The following RASGEF1C variants were observed in gnomAD, a reference collection of about 807,000 sequenced individuals.
RASGEF1C encodes RasGEF domain family member 1C.
A neutral mutation model predicts 58.1 loss-of-function variants in RASGEF1C; 27 were observed. The ratio of observed to expected loss-of-function variants is 0.46; its 90% CI spans 0.34 to 0.64. The LOEUF (loss-of-function observed/expected upper bound fraction) is 0.64, where lower values mean the gene tolerates loss of function less well. Among genes scored for constraint, RASGEF1C ranks in the 30% least tolerant of loss-of-function variants. The pLI is 0.01. For missense variants in RASGEF1C, 502 were observed against 605.1 expected, an observed-to-expected ratio of 0.83 and a Z score of 1.79; for synonymous variants, 243 against 246.3, an observed-to-expected ratio of 0.99 and a Z score of 0.13.
chr5:180,104,060 C>CTGAACTCTA (rs1454484613), intron 12 of RASGEF1C, among the ~76,000 whole-genome samples: 1 of 152,124 alleles, frequency 6.6e-6, no homozygotes, highest in Non-Finnish European at 1.5e-5. Context: ...TTACATATTG[C>CTGAACTCTA]TGAACTCTAT....
At chr5:180,202,726 A>T (rs1359097477) in intron 1 of RASGEF1C, among the ~76,000 whole-genome samples, 1 of 146,368 alleles carries the variant, frequency 6.8e-6, no homozygotes. Context: ...TTTTTTTGAG[A>T]CGGAGTCTCG....
In RASGEF1C at chr5:180,168,875, T is replaced by A. The variant is rs1767059221; in HGVS notation, c.-6-30817A>T. ...CAGAAGCAGAGGGTTTCTCCTGGAG[T>A]TCACTGTCAGTGCTGATGTCCGTCC... On this transcript the variant is annotated intron_variant, in intron 1 of 13. Coordinates refer to ENST00000361132, the MANE Select transcript of RASGEF1C (RefSeq NM_175062.4). This position sits in a 1 kb window ranked among gnomAD's most constrained non-coding sequence, Gnocchi z 6.0. 6.6e-6 allele frequency among the ~76,000 whole-genome samples: 1 copy of A among 152,160 alleles called. No individual in the cohort carries two copies. Among genetic ancestry groups the A allele is most frequent in the African/African-American group, 2.4e-5 (1 of 41,442 alleles).
chr5:180,172,502 C>A (rs1463650063), intron 1 of RASGEF1C, among the ~76,000 whole-genome samples: 2 of 152,162 alleles, frequency 1.3e-5, no homozygotes, highest in East Asian at 3.9e-4. Flanking sequence ...GACACGGAAT[C>A]TGTGGCACAC....
Position 180,128,759 on chromosome 5 carries a change from C to A in RASGEF1C, c.439-149G>T, listed in dbSNP as rs907929276. ...CCAGGTACCAGCGCAGGGGCCAGGA[C>A]CTGCCCCTACCCTGAAACAGGACCC... On this transcript the variant is annotated intron_variant, in intron 4 of 13. Coordinates refer to ENST00000361132, the MANE Select transcript of RASGEF1C (RefSeq NM_175062.4). The A allele has an allele frequency of 4.1e-5, 32 of 784,024 alleles. No individual in the cohort carries two copies. The Middle Eastern group carries it at 1.0e-3, about 25-fold the overall frequency. 48.6% of individuals were successfully genotyped at this position (784,024 alleles called of 1,614,324 possible).
intron 1 of RASGEF1C, among the ~76,000 whole-genome samples, chr5:180,176,748 G>C (rs1464209361): frequency 6.6e-6 from 1 of 151,992 alleles, no homozygotes; most frequent in African/African-American, 2.4e-5. Flanking sequence ...AGTAGAGATG[G>C]GGTTTCACCA....
intron 12 of RASGEF1C, among the ~76,000 whole-genome samples, chr5:180,103,148 G>A (rs1453513197): frequency 3.3e-5 from 5 of 152,162 alleles, no homozygotes; most frequent in Non-Finnish European, 7.3e-5. Flanking sequence ...CGCGATCTCG[G>A]CTCACTGCAA....
At chr5:180,118,510 A>T in intron 10 of RASGEF1C, 99 bp downstream of exon 10, 2 of 1,122,330 alleles carry the variant, frequency 1.8e-6, no homozygotes, top group Non-Finnish European at 2.6e-6. Context: ...GCTGTCTATT[A>T]CTGATGCTGC....
intron 1 of RASGEF1C, among the ~76,000 whole-genome samples, chr5:180,172,087 A>G (rs925640634): frequency 2.0e-5 from 3 of 152,222 alleles, no homozygotes; most frequent in Non-Finnish European, 4.4e-5. Context: ...AAAAGTCTCA[A>G]TAGCTATAAA....
At chr5:180,191,473 C>G (rs1410056135) in intron 1 of RASGEF1C, among the ~76,000 whole-genome samples, 1 of 152,206 alleles carries the variant, frequency 6.6e-6, no homozygotes, top group Non-Finnish European at 1.5e-5. Context: ...TCTCCTGCCT[C>G]AGCCTCCCAA....
At chr5:180,114,411 G>C (rs372078328) in intron 11 of RASGEF1C, 35 bp downstream of exon 11, 15 of 1,599,128 alleles carry the variant, frequency 9.4e-6, no homozygotes, top group African/African-American at 4.0e-5. Flanking sequence ...TTCCCGGCCT[G>C]TCTACCTCAG....
At chr5:180,105,394 C>G (rs1269913820) in intron 12 of RASGEF1C, among the ~76,000 whole-genome samples, 1 of 151,786 alleles carries the variant, frequency 6.6e-6, no homozygotes, top group East Asian at 1.9e-4. Context: ...AACCCCGTCT[C>G]TACTAAAAAT....
chr5:180,145,207 G>C (rs1766644798), intron 1 of RASGEF1C, among the ~76,000 whole-genome samples: 2 of 152,156 alleles, frequency 1.3e-5, no homozygotes, highest in Admixed American at 6.5e-5. Flanking sequence ...TGCAACCTCT[G>C]CCTCCCGGGT....
At chr5:180,103,282 T>A (rs1181425039) in intron 12 of RASGEF1C, among the ~76,000 whole-genome samples, 1 of 152,196 alleles carries the variant, frequency 6.6e-6, no homozygotes, top group Admixed American at 6.5e-5. Context: ...TTTCACCGTG[T>A]TAGCCAGGAT....
At chr5:180,136,974 G>A (rs1347053286) in intron 3 of RASGEF1C, among the ~76,000 whole-genome samples, 1 of 152,212 alleles carries the variant, frequency 6.6e-6, no homozygotes, top group East Asian at 1.9e-4. Flanking sequence ...TGACCGGAAA[G>A]GGTGGTAGGT....
At chr5:180,181,555 C>A in intron 1 of RASGEF1C, among the ~76,000 whole-genome samples, 1 of 152,084 alleles carries the variant, frequency 6.6e-6, no homozygotes, top group East Asian at 1.9e-4. Flanking sequence ...AGGAAGAGCA[C>A]CATGTGACAC....
At chr5:180,140,145 C>G (rs1477491784) in intron 1 of RASGEF1C, among the ~76,000 whole-genome samples, 1 of 152,184 alleles carries the variant, frequency 6.6e-6, no homozygotes, top group Non-Finnish European at 1.5e-5. Flanking sequence ...TCAGATCCAG[C>G]TCTGCTCTGG....
At chr5:180,152,624 T>A (rs372498916) in intron 1 of RASGEF1C, among the ~76,000 whole-genome samples, 1 of 148,462 alleles carries the variant, frequency 6.7e-6, no homozygotes, top group Middle Eastern at 3.2e-3. Flanking sequence ...AATGACGAGT[T>A]AATGGGTGCA....
intron 1 of RASGEF1C, among the ~76,000 whole-genome samples, chr5:180,161,326 A>G (rs1487660887): frequency 6.6e-6 from 1 of 152,186 alleles, no homozygotes; most frequent in African/African-American, 2.4e-5. Flanking sequence ...TTGGGAGGTG[A>G]GTGGGCTCCG....
chr5:180,182,130 G>C (rs531052284), intron 1 of RASGEF1C, among the ~76,000 whole-genome samples: 3,776 of 148,518 alleles, frequency 0.025, 75 homozygotes, highest in Middle Eastern at 0.045. Flanking sequence ...GCGGGAACCC[G>C]GGAGGTGGAG....
Sources: allele counts gnomAD v4.1 joint callset (sites outside exome capture counted in the v4.1 genomes callset), GRCh38; gene constraint gnomAD v4.1.1; non-coding constraint Gnocchi (gnomAD v3.1); transcripts MANE v1.5; gene names NCBI Gene and HGNC (gene_info 2026-07-23, HGNC 2026-07-21).